The following CHSY1 variants were observed in gnomAD, a reference collection of about 807,000 sequenced individuals.
The protein encoded by CHSY1 is chondroitin sulfate synthase 1, also known as N-acetylgalactosaminyl-proteoglycan 3-beta-glucuronosyltransferase 1.
CHSY1 carries 13 observed loss-of-function variants against 59.8 expected under a neutral mutation model. The ratio of observed to expected loss-of-function variants is 0.22; its 90% CI spans 0.14 to 0.35. The LOEUF (loss-of-function observed/expected upper bound fraction) is 0.35, where lower values mean the gene tolerates loss of function less well. CHSY1 is among the 10% of genes least tolerant of loss of function. The pLI is 1.00. For synonymous variants in CHSY1, 459 were observed against 401.2 expected (o/e 1.14, Z -1.72); for missense variants, 947 against 1,030.6 (o/e 0.92, Z 1.11).
Position 101,178,100 on chromosome 15 carries a change from T to A in CHSY1, c.1697A>T (p.Lys566Met). Residue 566 changes from lysine (K) to methionine (M), a missense_variant, in exon 3 of 3, where the codon AAG (lysine) becomes ATG (methionine). Coordinates refer to ENST00000254190, the MANE Select transcript of CHSY1 (RefSeq NM_014918.5). The stretch of plus-strand genomic sequence containing the variant: ...AGAATTGAAAAGCAGAACCACGAGC[T>A]TGACGTTCTGATTGGGGATAAGACA... ...KTCLIPNQNV[K>M]LVVLLFNSDS... 1 of 1,614,230 alleles carries A rather than the reference T, an allele frequency of 6.2e-7. No individual in the cohort carries two copies. The highest frequency in any genetic ancestry group is 1.7e-5 in the Admixed American group (1 of 60,032).
intron 2 of CHSY1, among the ~76,000 whole-genome samples, chr15:101,234,606 C>T (rs1026672330): frequency 1.3e-5 from 2 of 152,202 alleles, no homozygotes; most frequent in Non-Finnish European, 2.9e-5. Flanking sequence ...CCGTGGCTCA[C>T]GCCTGTAATC....
chr15:101,213,140 A>G (rs1449558432), intron 2 of CHSY1, among the ~76,000 whole-genome samples: 2 of 152,222 alleles, frequency 1.3e-5, no homozygotes, highest in East Asian at 1.9e-4. Context: ...TAAGGAAAAC[A>G]GAGTAAGAGG....
At chr15:101,190,829 T>A (rs919638962) in intron 2 of CHSY1, among the ~76,000 whole-genome samples, 1 of 152,142 alleles carries the variant, frequency 6.6e-6, no homozygotes, top group African/African-American at 2.4e-5. Flanking sequence ...GAAAAAAGCA[T>A]GTGAAAGTCA....
rs139330145 is a variant in CHSY1, at chr15:101,230,326, G to A, written c.816+4756C>T. Among the ~76,000 whole-genome samples, 484 of 152,274 alleles carry A rather than the reference G, an allele frequency of 3.2e-3. 17 individuals are homozygous for A. The East Asian group carries it at 0.06, about 19-fold the overall frequency. On this transcript the variant is annotated intron_variant, in intron 2 of 2. Coordinates refer to ENST00000254190, the MANE Select transcript of CHSY1 (RefSeq NM_014918.5). ...GGGTCTGCCTGGTTCTCAGGCCTGC[G>A]AGTTTAACGGGCAGCCTAAATGAGT...
chr15:101,178,999 G>C lies in CHSY1; in HGVS notation c.817-19C>G. Reference sequence around the variant, plus strand: ...GCTGCATCTGTTACAGGAAAAAAAAGAGATCACAAATTTAGTATTGTATGA... The same window carrying C: ...GCTGCATCTGTTACAGGAAAAAAAACAGATCACAAATTTAGTATTGTATGA... On this transcript the variant is annotated intron_variant, in intron 2 of 2. Transcript: ENST00000254190. The C allele has an allele frequency of 6.2e-7, 1 of 1,611,910 alleles. No homozygotes were observed. Among genetic ancestry groups the C allele is most frequent in the Non-Finnish European group, 8.5e-7 (1 of 1,178,360 alleles).
At chr15:101,218,080 A>G (rs1365590561) in intron 2 of CHSY1, among the ~76,000 whole-genome samples, 2 of 152,236 alleles carry the variant, frequency 1.3e-5, no homozygotes, top group Non-Finnish European at 2.9e-5. Flanking sequence ...TAATTGTGAG[A>G]AAAACATCAG....
chr15:101,243,410 C>T (rs2039021559), intron 1 of CHSY1, among the ~76,000 whole-genome samples: 2 of 152,138 alleles, frequency 1.3e-5, no homozygotes, highest in Non-Finnish European at 2.9e-5. Context: ...TCGTTTAATG[C>T]AAACAATTAA....
intron 2 of CHSY1, among the ~76,000 whole-genome samples, chr15:101,199,880 G>T (rs902007967): frequency 6.6e-6 from 1 of 152,092 alleles, no homozygotes; most frequent in African/African-American, 2.4e-5. Context: ...CCAAAACCAC[G>T]AACAGCAGCG....
At chr15:101,180,415 A>G (rs569004512) in intron 2 of CHSY1, among the ~76,000 whole-genome samples, 95 of 152,300 alleles carry the variant, frequency 6.2e-4, no homozygotes, top group Middle Eastern at 6.8e-3. Context: ...TGGACTTACC[A>G]CTGAAATCAC....
At chr15:101,239,759 C>T (rs1287314204) in intron 1 of CHSY1, among the ~76,000 whole-genome samples, 1 of 152,212 alleles carries the variant, frequency 6.6e-6, no homozygotes, top group African/African-American at 2.4e-5. Flanking sequence ...CTTTTACTAT[C>T]AACTTCAGAC....
chr15:101,185,134 A>G (rs942736593), intron 2 of CHSY1, among the ~76,000 whole-genome samples: 2 of 152,212 alleles, frequency 1.3e-5, no homozygotes, highest in Admixed American at 1.3e-4. Flanking sequence ...GTGTAGAGGT[A>G]GGGAAACATT....
chr15:101,228,713 A>G (rs2038864835), intron 2 of CHSY1, among the ~76,000 whole-genome samples: 1 of 152,232 alleles, frequency 6.6e-6, no homozygotes, highest in South Asian at 2.1e-4. Context: ...AACTTGCTCT[A>G]TGAAAAATAT....
intron 2 of CHSY1, among the ~76,000 whole-genome samples, chr15:101,232,190 A>G (rs2038899404): frequency 6.6e-6 from 1 of 152,236 alleles, no homozygotes; most frequent in Non-Finnish European, 1.5e-5. Flanking sequence ...CTAGGCTTAT[A>G]ATAGGGCAAA....
chr15:101,208,678 A>G (rs985963206), intron 2 of CHSY1, among the ~76,000 whole-genome samples: 2 of 144,940 alleles, frequency 1.4e-5, no homozygotes, highest in African/African-American at 2.7e-5. Flanking sequence ...GTGCCACTGC[A>G]CTCCAGCCTG....
At position 101,176,628 on chromosome 15, in the gene CHSY1, TACTAAA is replaced by T. The variant is rs1425412867; in HGVS notation, c.*754_*759del. ...GGCTTGCATGGTGAAACCCCGTCTC[TACTAAA>T]AATACAAAAAAACTAGCTGGGCGTG... On this transcript the variant is annotated 3_prime_UTR_variant, in exon 3 of 3. Coordinates refer to ENST00000254190, the MANE Select transcript of CHSY1 (RefSeq NM_014918.5). The T allele has an allele frequency of 1.1e-5, 4 of 371,600 alleles. No individual in the cohort carries two copies. In the Admixed American group the frequency reaches 1.8e-4, roughly 17 times the overall value. The allele number at this position is 371,600 out of a possible 1,614,324, so 23.0% of individuals were successfully genotyped here.
chr15:101,251,611 C>T lies in CHSY1; in HGVS notation c.-155G>A, dbSNP rs1388694766. The T allele has an allele frequency of 2.7e-5, 4 of 146,108 alleles. No homozygotes were observed. The highest frequency in any genetic ancestry group is 4.0e-4 in the East Asian group (2 of 5,034). The allele number at this position is 146,108 out of a possible 1,614,324, so 9.1% of individuals were successfully genotyped here. On this transcript the variant is annotated 5_prime_UTR_variant, in exon 1 of 3. Coordinates refer to ENST00000254190, the MANE Select transcript of CHSY1 (RefSeq NM_014918.5). ...GGGCCCGCCGCGCCCATCGCGGCCC[C>T]CGAGCCGCCCGCAGGCCCCGCGCCG...
rs561518738 is a variant in CHSY1, at chr15:101,225,206, C to G, written c.816+9876G>C. Among the ~76,000 whole-genome samples, 3 of 152,178 alleles carry G rather than the reference C, an allele frequency of 2.0e-5. No individual in the cohort carries two copies. In the South Asian group the frequency reaches 6.2e-4, roughly 31 times the overall value. Reference sequence around the variant, plus strand: ...ACCTCACCTCCAAAGTAGCTAGGACCACAGGCGTGCAACAAAATACCCAGC... The same window carrying G: ...ACCTCACCTCCAAAGTAGCTAGGACGACAGGCGTGCAACAAAATACCCAGC... On this transcript the variant is annotated intron_variant, in intron 2 of 2. Transcript: ENST00000254190.
intron 2 of CHSY1, among the ~76,000 whole-genome samples, chr15:101,217,663 G>A (rs1023223275): frequency 2.6e-5 from 4 of 152,126 alleles, no homozygotes; most frequent in African/African-American, 9.7e-5. Flanking sequence ...GTGGACAAAG[G>A]TGGAACAAGT....
intron 2 of CHSY1, among the ~76,000 whole-genome samples, chr15:101,233,004 G>A (rs112907079): frequency 9.9e-5 from 15 of 152,004 alleles, no homozygotes; most frequent in Non-Finnish European, 1.8e-4. Context: ...AAGGCAGGGA[G>A]ACGGGACCAC....
Sources: allele counts gnomAD v4.1 joint callset (sites outside exome capture counted in the v4.1 genomes callset), GRCh38; gene constraint gnomAD v4.1.1; transcripts MANE v1.5; gene names NCBI Gene and HGNC (gene_info 2026-07-23, HGNC 2026-07-21).